Variants in SYNE1 observed in about 807,000 individuals in gnomAD.
SYNE1 encodes the protein nesprin-1.
A neutral mutation model predicts 1,111.0 loss-of-function variants in SYNE1; 616 were observed. That is an observed-to-expected ratio of 0.55 (90% CI 0.52 to 0.59). SYNE1 has a LOEUF of 0.59. SYNE1 is among the 20% of genes least tolerant of loss of function. The probability of loss-of-function intolerance (pLI) is 0.00; values close to 1 mark genes in which losing one functional copy is unlikely to be tolerated. For missense variants in SYNE1, 10,006 were observed against 10,417.0 expected (o/e 0.96, Z 1.72); for synonymous variants, 3,855 against 3,825.8 (o/e 1.01, Z -0.28).
intron 42 of SYNE1, among the ~76,000 whole-genome samples, chr6:152,411,364 A>G (rs1303366857): frequency 6.6e-6 from 1 of 152,130 alleles, no homozygotes; most frequent in East Asian, 1.9e-4. Flanking sequence ...TATTTATTTT[A>G]GGTACCAGAG....
chr6:152,168,508 CA>C, intron 130 of SYNE1: 1 of 326,376 alleles, frequency 3.1e-6, no homozygotes, highest in African/African-American at 2.1e-5. Context: ...GAAAGGACAG[CA>C]AAAACAACAT....
At chr6:152,130,820 G>C in intron 144 of SYNE1, 42 bp from the exon 145 acceptor site, 1 of 1,601,544 alleles carries the variant, frequency 6.2e-7, no homozygotes, top group South Asian at 1.1e-5. Context: ...AGAATGTTCA[G>C]TCCAGGCAAA....
intron 36 of SYNE1, among the ~76,000 whole-genome samples, chr6:152,429,880 A>G (rs1038096011): frequency 1.3e-5 from 2 of 152,328 alleles, no homozygotes; most frequent in East Asian, 1.9e-4. Context: ...AAAGAGAGAA[A>G]TGTATTTGAA....
chr6:152,220,072 A>G (rs2079778493), intron 119 of SYNE1, among the ~76,000 whole-genome samples: 1 of 152,222 alleles, frequency 6.6e-6, no homozygotes, highest in South Asian at 2.1e-4. Context: ...TATGTGGATG[A>G]AAAAAGCACT....
chr6:152,234,146 G>A (rs1039561390), intron 111 of SYNE1, among the ~76,000 whole-genome samples, 183 bp from the exon 112 acceptor site: 2 of 152,146 alleles, frequency 1.3e-5, no homozygotes, highest in Admixed American at 6.5e-5. Flanking sequence ...ACGAAGCCCC[G>A]ACTTGAGAAC....
intron 93 of SYNE1, among the ~76,000 whole-genome samples, chr6:152,294,450 G>A (rs1031688458): frequency 2.0e-5 from 3 of 152,146 alleles, no homozygotes; most frequent in Non-Finnish European, 4.4e-5. Context: ...TTTAAAGGTT[G>A]ATTAGAATAG....
chr6:152,460,539 T>G (rs568366876), intron 21 of SYNE1, among the ~76,000 whole-genome samples: 2 of 152,180 alleles, frequency 1.3e-5, no homozygotes, highest in Non-Finnish European at 2.9e-5. Flanking sequence ...GTTTCTACTT[T>G]GTTTTCCCAT....
Position 152,135,206 on chromosome 6 carries a change from C to A in SYNE1, c.25686G>T (p.Leu8562Phe). 1 of 1,614,076 alleles carries A rather than the reference C, an allele frequency of 6.2e-7. No individual in the cohort carries two copies. The highest frequency in any genetic ancestry group is 1.1e-5 in the South Asian group (1 of 91,082). The change falls in exon 142 of 146, where the codon TTG becomes TTT. Residue 8562 changes from leucine to phenylalanine, a missense_variant. Leu to Phe is a conservative substitution (Grantham distance 22). Coordinates refer to ENST00000367255, the MANE Select transcript of SYNE1 (RefSeq NM_182961.4). ...TGTCAATGTTCTCCAGCATAAGAAG[C>A]AAACCATGGCTCATTTCATGGAAAC... ...CQGFHEMSHGLLLMLENIDRR... is the reference protein window; with the variant it reads ...CQGFHEMSHGFLLMLENIDRR...
Position 152,244,884 on chromosome 6 carries a change from G to A in SYNE1, c.19573-228C>T, listed in dbSNP as rs934108405. On this transcript the variant is annotated intron_variant, in intron 105 of 145. Transcript: ENST00000367255. ...GAGCAGTTATCTTACAGATAATGAGGCAGGAGAAAGTCAGGGTAGAGGGCT... is the reference window on the plus strand; with the variant it reads ...GAGCAGTTATCTTACAGATAATGAGACAGGAGAAAGTCAGGGTAGAGGGCT... Among the ~76,000 whole-genome samples the A allele has an allele frequency of 3.9e-5, 6 of 152,270 alleles. No individual in the cohort carries two copies. The South Asian group carries it at 1.2e-3, about 32-fold the overall frequency.
At chr6:152,158,519 C>G (rs2061804210) in intron 131 of SYNE1, among the ~76,000 whole-genome samples, 1 of 152,088 alleles carries the variant, frequency 6.6e-6, no homozygotes, top group African/African-American at 2.4e-5. Context: ...AAACTAGACA[C>G]TAGACGATAA....
chr6:152,127,996 T>C (rs1365775110), intron 145 of SYNE1: 1 of 152,198 alleles, frequency 6.6e-6, no homozygotes, highest in Non-Finnish European at 1.5e-5. Context: ...CAAGGCAATT[T>C]TGCATTTTAC....
intron 62 of SYNE1, among the ~76,000 whole-genome samples, chr6:152,365,404 T>G (rs1030667264): frequency 3.3e-5 from 5 of 152,198 alleles, no homozygotes; most frequent in Admixed American, 2.0e-4. Context: ...AGAAATAGAT[T>G]ATATATTTCA....
At position 152,597,911 on chromosome 6, in the gene SYNE1, T is replaced by C. The variant is rs114250495; in HGVS notation, c.67+30354A>G. ...TGATTTTTATAAATACATACATATT[T>C]TCATTTTTCTAAGACTAGGAATTGA... is the stretch of plus-strand genomic sequence containing the variant. On this transcript the variant is annotated intron_variant, in intron 3 of 145. Transcript: ENST00000367255. 2.1e-3 allele frequency among the ~76,000 whole-genome samples: 326 copies of C among 152,296 alleles called. 5 individuals carry two copies. The highest frequency in any genetic ancestry group is 7.6e-3 in the African/African-American group (317 of 41,550).
intron 3 of SYNE1, among the ~76,000 whole-genome samples, chr6:152,583,060 A>G (rs997823891): frequency 1.3e-5 from 2 of 152,228 alleles, no homozygotes; most frequent in Non-Finnish European, 1.5e-5. Context: ...TAAATCTTAT[A>G]CATTTTATAA....
chr6:152,569,836 G>A lies in SYNE1; in HGVS notation c.68-29815C>T, dbSNP rs2099438059. On this transcript the variant is annotated intron_variant, in intron 3 of 145. Transcript: ENST00000367255. Reference sequence around the variant, plus strand: ...CACCTCTCTTTGATGGTAAAGATATGTTTGTTTGATTTTTGATGCTAGTAA... The same window carrying A: ...CACCTCTCTTTGATGGTAAAGATATATTTGTTTGATTTTTGATGCTAGTAA... Among the ~76,000 whole-genome samples the A allele has an allele frequency of 2.0e-5, 3 of 152,114 alleles. No homozygotes were observed. The South Asian group carries it at 6.2e-4, about 31-fold the overall frequency.
At chr6:152,588,824 C>T (rs1209930217) in intron 3 of SYNE1, among the ~76,000 whole-genome samples, 2 of 152,224 alleles carry the variant, frequency 1.3e-5, no homozygotes, top group South Asian at 2.1e-4. Context: ...AAGGCCCATC[C>T]AGGTGGGTCC....
chr6:152,611,729 T>C (rs534867003), intron 3 of SYNE1, among the ~76,000 whole-genome samples: 1 of 152,182 alleles, frequency 6.6e-6, no homozygotes, highest in African/African-American at 2.4e-5. Context: ...TATTCTAAAA[T>C]TGACCACATA....
chr6:152,388,571 T>A (rs971814362), intron 53 of SYNE1, among the ~76,000 whole-genome samples: 7 of 152,192 alleles, frequency 4.6e-5, no homozygotes, highest in Non-Finnish European at 8.8e-5. Flanking sequence ...AGTGCTGGGA[T>A]TACAGGCATG....
intron 140 of SYNE1, among the ~76,000 whole-genome samples, 191 bp downstream of exon 140, chr6:152,139,759 A>AAG (rs2058146151): frequency 2.0e-5 from 3 of 151,254 alleles, no homozygotes; most frequent in East Asian, 2.0e-4. Flanking sequence ...GAAAAGAAAA[A>AAG]AAAGAAAACC....
Sources: allele counts gnomAD v4.1 joint callset (sites outside exome capture counted in the v4.1 genomes callset), GRCh38; gene constraint gnomAD v4.1.1; transcripts MANE v1.5; gene names NCBI Gene and HGNC (gene_info 2026-07-23, HGNC 2026-07-21).